The following ATP8A2 variants were observed in gnomAD, a reference collection of about 807,000 sequenced individuals.
ATP8A2 encodes phospholipid-transporting ATPase IB.
A neutral mutation model predicts 165.6 loss-of-function variants in ATP8A2; 100 were observed. The observed-to-expected ratio is 0.60, with a 90% confidence interval of 0.51 to 0.71. The LOEUF (loss-of-function observed/expected upper bound fraction) is 0.71. ATP8A2 is among the 30% of genes least tolerant of loss of function. ATP8A2 has a pLI of 0.00. For missense variants in ATP8A2, 1,227 were observed against 1,479.5 expected (o/e 0.83, Z 2.80); for synonymous variants, 543 against 548.8 (o/e 0.99, Z 0.15).
intron 2 of ATP8A2, among the ~76,000 whole-genome samples, chr13:25,519,621 A>G (rs1355672577): frequency 6.6e-6 from 1 of 152,158 alleles, no homozygotes; most frequent in Non-Finnish European, 1.5e-5. Flanking sequence ...AGTGAATCAT[A>G]GAGAAATATT....
At chr13:25,976,902 C>T (rs886559973) in intron 35 of ATP8A2, among the ~76,000 whole-genome samples, 2 of 152,172 alleles carry the variant, frequency 1.3e-5, no homozygotes, top group African/African-American at 4.8e-5. Context: ...AATTCTCTGC[C>T]TCAGCCTCCT....
At chr13:25,563,350 A>G (rs2039216769) in intron 15 of ATP8A2, among the ~76,000 whole-genome samples, 1 of 151,630 alleles carries the variant, frequency 6.6e-6, no homozygotes, top group Non-Finnish European at 1.5e-5. Flanking sequence ...CGGAGGTTGC[A>G]GTGAGCCGAG....
intron 2 of ATP8A2, among the ~76,000 whole-genome samples, chr13:25,505,847 C>T (rs748365712): frequency 6.6e-6 from 1 of 152,162 alleles, no homozygotes; most frequent in Non-Finnish European, 1.5e-5. Flanking sequence ...TCTTGCCTTC[C>T]TTTATATTCT....
intron 24 of ATP8A2, among the ~76,000 whole-genome samples, chr13:25,590,852 C>T (rs2040053325): frequency 6.6e-6 from 1 of 152,128 alleles, no homozygotes; most frequent in South Asian, 2.1e-4. Flanking sequence ...AGACCAAGGG[C>T]AGGAGGCAGG....
chr13:25,552,364 G>A (rs1029013469), intron 11 of ATP8A2, among the ~76,000 whole-genome samples: 1 of 151,914 alleles, frequency 6.6e-6, no homozygotes, highest in African/African-American at 2.4e-5. Context: ...TTTAACAGCT[G>A]GTGTCATTTC....
At chr13:25,556,901 A>C (rs2038998162) in intron 13 of ATP8A2, among the ~76,000 whole-genome samples, 1 of 152,094 alleles carries the variant, frequency 6.6e-6, no homozygotes, top group African/African-American at 2.4e-5. Flanking sequence ...CCTGCTCCTC[A>C]TTATCCCTCT....
At chr13:25,676,689 A>C (rs982572992) in intron 24 of ATP8A2, among the ~76,000 whole-genome samples, 3 of 152,164 alleles carry the variant, frequency 2.0e-5, no homozygotes, top group Admixed American at 2.0e-4. Context: ...TTTTTAAAAA[A>C]AATTTTTATA....
intron 25 of ATP8A2, among the ~76,000 whole-genome samples, chr13:25,741,637 A>G (rs572121891): frequency 1.3e-5 from 2 of 151,622 alleles, no homozygotes; most frequent in Non-Finnish European, 2.9e-5. Context: ...TCAGCCTCCC[A>G]AGGTGCTGAG....
At chr13:25,772,822 C>T (rs1015331324) in intron 26 of ATP8A2, among the ~76,000 whole-genome samples, 16 of 151,930 alleles carry the variant, frequency 1.1e-4, no homozygotes, top group East Asian at 3.9e-4. Context: ...GGCTGGATCT[C>T]GGCTCACTGC....
intron 24 of ATP8A2, among the ~76,000 whole-genome samples, chr13:25,645,331 C>T (rs537672908): frequency 7.2e-5 from 11 of 152,294 alleles, no homozygotes; most frequent in African/African-American, 2.4e-4. Flanking sequence ...CAATTACCTC[C>T]CCCTGGGTCC....
chr13:25,559,319 G>A (rs1209972544), intron 14 of ATP8A2, among the ~76,000 whole-genome samples: 1 of 152,160 alleles, frequency 6.6e-6, no homozygotes, highest in African/African-American at 2.4e-5. Context: ...GATTGCCTGA[G>A]GTTGGGAGTT....
intron 27 of ATP8A2, among the ~76,000 whole-genome samples, chr13:25,823,347 T>G (rs898863767): frequency 8.5e-5 from 13 of 152,248 alleles, no homozygotes; most frequent in African/African-American, 2.9e-4. Context: ...TAGTGTCTTT[T>G]TCATGTTCAT....
chr13:25,454,328 T>C (rs1010972040), intron 1 of ATP8A2, among the ~76,000 whole-genome samples: 2 of 152,036 alleles, frequency 1.3e-5, no homozygotes, highest in East Asian at 1.9e-4. Context: ...TTTTCATGAG[T>C]GTGAACATGT....
chr13:25,872,794 A>G (rs1952713035), intron 33 of ATP8A2, among the ~76,000 whole-genome samples: 1 of 152,208 alleles, frequency 6.6e-6, no homozygotes, highest in South Asian at 2.1e-4. Flanking sequence ...AAGACCAAAA[A>G]GAAATTCATT....
At chr13:25,573,926 G>C (rs1272394582) in intron 18 of ATP8A2, among the ~76,000 whole-genome samples, 2 of 152,264 alleles carry the variant, frequency 1.3e-5, no homozygotes, top group Non-Finnish European at 2.9e-5. Context: ...TCATATACTT[G>C]GTAATTTGAA....
chr13:25,609,534 G>GGGATTCAAATATATGTATATATATTT (rs2040604424), intron 24 of ATP8A2, among the ~76,000 whole-genome samples: 1 of 42,220 alleles, frequency 2.4e-5, no homozygotes, highest in African/African-American at 5.7e-5. Flanking sequence ...ATATATATTT[G>GGGATTCAAATATATGTATATATATTT]GGATTCAAAT....
intron 33 of ATP8A2, among the ~76,000 whole-genome samples, chr13:25,948,751 G>T (rs985397073): frequency 3.3e-5 from 5 of 152,184 alleles, no homozygotes; most frequent in Admixed American, 1.3e-4. Context: ...AGTGAGATGG[G>T]AGGTCTCTGC....
intron 35 of ATP8A2, among the ~76,000 whole-genome samples, chr13:25,999,701 A>G (rs1956597661): frequency 2.0e-5 from 3 of 152,276 alleles, no homozygotes; most frequent in Middle Eastern, 3.4e-3. Flanking sequence ...TGTTTCCAAC[A>G]TTGGGTCTCA....
At chr13:25,471,528 A>G (rs2035846165) in intron 2 of ATP8A2, among the ~76,000 whole-genome samples, 2 of 152,138 alleles carry the variant, frequency 1.3e-5, no homozygotes, top group South Asian at 4.1e-4. Context: ...TTTTTAGTAG[A>G]GACGGGGCTT....
Sources: allele counts gnomAD v4.1 joint callset (sites outside exome capture counted in the v4.1 genomes callset), GRCh38; gene constraint gnomAD v4.1.1; transcripts MANE v1.5; gene names NCBI Gene and HGNC (gene_info 2026-07-23, HGNC 2026-07-21).